Variants in GDF10 observed in about 807,000 individuals in gnomAD.
GDF10 encodes the protein growth differentiation factor 10.
In GDF10, 23 loss-of-function variants were observed where a neutral mutation model predicts 32.1. That is an observed-to-expected ratio of 0.72 (90% CI 0.52 to 1.02). The LOEUF (loss-of-function observed/expected upper bound fraction) is 1.02. GDF10 is among the 50% of genes least tolerant of loss of function. The probability of loss-of-function intolerance (pLI) is 0.00; values close to 1 mark genes in which losing one functional copy is unlikely to be tolerated. For missense variants in GDF10, 764 were observed against 673.9 expected (o/e 1.13, Z -1.48); for synonymous variants, 328 against 303.1 (o/e 1.08, Z -0.85).
rs1364345556 is a variant in GDF10, at chr10:47,310,322, C to G, written c.846C>G (p.Asn282Lys). Reference sequence around the variant, plus strand: ...CCGAGCCCCGCGCAGCCCCCAACAACTCAGCGGACCCCCGCGTGCGCCGAG... The same window carrying G: ...CCGAGCCCCGCGCAGCCCCCAACAAGTCAGCGGACCCCCGCGTGCGCCGAG... Reference protein sequence around the residue: ...GDPEPRAAPNNSADPRVRRAA... With the variant: ...GDPEPRAAPNKSADPRVRRAA... The change falls in exon 2 of 3, where the codon AAC becomes AAG. Residue 282 changes from asparagine to lysine, a missense_variant. Physicochemically the swap from Asn to Lys is moderately conservative, Grantham distance 94. Coordinates refer to ENST00000580279, the MANE Select transcript of GDF10 (RefSeq NM_004962.5). 2 of 1,607,226 alleles carry G rather than the reference C, an allele frequency of 1.2e-6. No homozygotes were observed. Among genetic ancestry groups the G allele is most frequent in the Non-Finnish European group, 1.7e-6 (2 of 1,177,404 alleles).
In GDF10 at chr10:47,300,579, T is replaced by C. The variant is rs1443920157; in HGVS notation, c.-73T>C. The C allele has an allele frequency of 1.5e-5, 21 of 1,418,268 alleles. No homozygotes were observed. The highest frequency in any genetic ancestry group is 1.6e-5 in the Non-Finnish European group (17 of 1,055,306). The allele number at this position is 1,418,268 out of a possible 1,614,324, so 87.9% of individuals were successfully genotyped here. ...GCGCGCCCTACTGCCGCGAGGTCAG[T>C]CCGCAGCCTCCGGTGCGCCAGCGCT... On this transcript the variant is annotated 5_prime_UTR_variant, in exon 1 of 3. Transcript: ENST00000580279.
In GDF10 at chr10:47,300,912, C is replaced by G. The variant is rs1393290107; in HGVS notation, c.261C>G (p.Ser87Arg). 1.3e-6 allele frequency: 2 copies of G among 1,559,390 alleles called. No individual in the cohort carries two copies. Among genetic ancestry groups the G allele is most frequent in the African/African-American group, 2.8e-5 (2 of 71,644 alleles). Reference sequence around the variant, plus strand: ...TGCACAGGCTCTATGAGAAGTACAGCCGGCAGGGCGCGCGGCCGGGAGGGG... The same window carrying G: ...TGCACAGGCTCTATGAGAAGTACAGGCGGCAGGGCGCGCGGCCGGGAGGGG... The part of the protein sequence containing the change: ...VHMHRLYEKY[S>R]RQGARPGGGN... The change falls in exon 1 of 3, where the codon AGC (serine) becomes AGG (arginine). Residue 87 changes from serine to arginine, a missense_variant. Transcript: ENST00000580279.
At chr10:47,302,793 A>G (rs1002046582) in intron 1 of GDF10, among the ~76,000 whole-genome samples, 3 of 152,104 alleles carry the variant, frequency 2.0e-5, no homozygotes, top group Non-Finnish European at 2.9e-5. Flanking sequence ...AGGGTCTGGG[A>G]GGGGTAGGGT....
In GDF10 at chr10:47,310,574, G is replaced by C. The variant is rs1555207667; in HGVS notation, c.1098G>C (p.Arg366=). 1 of 1,614,248 alleles carries C rather than the reference G, an allele frequency of 6.2e-7. No homozygotes were observed. The highest frequency in any genetic ancestry group is 8.5e-7 in the Non-Finnish European group (1 of 1,180,044). The change falls in exon 2 of 3, where the codon CGG becomes CGC. Residue 366 remains arginine, a synonymous_variant. Coordinates refer to ENST00000580279, the MANE Select transcript of GDF10 (RefSeq NM_004962.5). The part of the protein sequence containing the change: ...DFDEKTMQKA[R]RKQWDEPRVC... The stretch of plus-strand genomic sequence containing the variant: ...ACGAGAAGACGATGCAGAAAGCCCG[G>C]AGGAAGCAGTGGGATGAGCCGAGGG...
intron 1 of GDF10, among the ~76,000 whole-genome samples, chr10:47,309,264 C>G (rs2061034000): frequency 6.6e-6 from 1 of 152,206 alleles, no homozygotes; most frequent in Non-Finnish European, 1.5e-5. Context: ...TTTATTTCGT[C>G]TCTTTTGGAA....
intron 1 of GDF10, among the ~76,000 whole-genome samples, chr10:47,302,792 G>A (rs1234904637): frequency 6.6e-6 from 1 of 152,230 alleles, no homozygotes; most frequent in Non-Finnish European, 1.5e-5. Context: ...CAGGGTCTGG[G>A]AGGGGTAGGG....
At chr10:47,312,496 G>T in intron 2 of GDF10, 105 bp from the exon 3 acceptor site, 1 of 581,804 alleles carries the variant, frequency 1.7e-6, no homozygotes, top group East Asian at 3.3e-5. Flanking sequence ...GCCTCAGCCG[G>T]GGAACAACAG....
chr10:47,304,552 C>A (rs1025242746), intron 1 of GDF10, among the ~76,000 whole-genome samples: 5 of 152,138 alleles, frequency 3.3e-5, no homozygotes, highest in Admixed American at 6.5e-5. Flanking sequence ...CCAGATATAA[C>A]CGGAATTGTT....
rs2061001941 is a variant in GDF10, at chr10:47,300,835, G to A, written c.184G>A (p.Asp62Asn). 6.3e-7 allele frequency: 1 copy of A among 1,575,164 alleles called. No individual in the cohort carries two copies. The highest frequency in any genetic ancestry group is 8.6e-7 in the Non-Finnish European group (1 of 1,168,008). Residue 62 changes from aspartate to asparagine, a missense_variant, in exon 1 of 3, where the codon GAC becomes AAC. Physicochemically the swap from Asp to Asn is conservative, Grantham distance 23. Transcript: ENST00000580279. ...GDRDLQRHPG[D>N]AAATLGPSAQ... ...CAGGGATCTCCAGCGGCACCCTGGG[G>A]ACGCGGCCGCCACGTTGGGCCCCAG...
intron 1 of GDF10, among the ~76,000 whole-genome samples, chr10:47,304,594 ATATC>A (rs548068698): frequency 6.6e-6 from 1 of 152,072 alleles, no homozygotes; most frequent in Non-Finnish European, 1.5e-5. Flanking sequence ...CATTCCAGCC[ATATC>A]TATCTATCTA....
chr10:47,310,459 TC>T lies in GDF10; in HGVS notation c.985del (p.Arg329GlyfsTer3). ...FHKHQLWPSP[F>X]RALKPRPGRK... ...AAGCACCAGCTGTGGCCCAGCCCCT[TC>T]CGGGCGCTGAAACCCCGGCCAGGGC... On this transcript the variant is annotated frameshift_variant, in exon 2 of 3. Coordinates refer to ENST00000580279, the MANE Select transcript of GDF10 (RefSeq NM_004962.5). LOFTEE classifies it high-confidence loss of function. 6 of 1,613,566 alleles carry T rather than the reference TC, an allele frequency of 3.7e-6. No individual in the cohort carries two copies. The South Asian group carries it at 5.5e-5, about 15-fold the overall frequency.
intron 1 of GDF10, among the ~76,000 whole-genome samples, chr10:47,306,027 G>C (rs1472276364): frequency 6.6e-6 from 1 of 152,102 alleles, no homozygotes; most frequent in African/African-American, 2.4e-5. Flanking sequence ...GACAGAGCTG[G>C]GTACAAGCCC....
At position 47,312,928 on chromosome 10, in the gene GDF10, T is replaced by C. The variant is rs574996543; in HGVS notation, c.*136T>C. On this transcript the variant is annotated 3_prime_UTR_variant, in exon 3 of 3. Transcript: ENST00000580279. ...CATCACTGGGGCCCAGAGAGAGCTG[T>C]CCGCCAGTGCATCATTAGGGGGTCT... 1 of 527,084 alleles carries C rather than the reference T, an allele frequency of 1.9e-6. No individual in the cohort carries two copies. The highest frequency in any genetic ancestry group is 3.9e-5 in the South Asian group (1 of 25,770). The allele number at this position is 527,084 out of a possible 1,614,324, so 32.7% of individuals were successfully genotyped here. A position where few individuals can be genotyped will look rare whatever the true frequency, so the allele number is the denominator to read the frequency against.
In GDF10 at chr10:47,300,677, G is replaced by GCCCGGGA; in HGVS notation, c.33_39dup (p.Pro14ThrfsTer73). On this transcript the variant is annotated frameshift_variant, in exon 1 of 3. Transcript: ENST00000580279. LOFTEE classifies it high-confidence loss of function. ...ATGGCTCATGTCCCCGCTCGGACCAGCCCGGGACCCGGGCCCCAGCTGCTG... is the reference window on the plus strand; with the variant it reads ...ATGGCTCATGTCCCCGCTCGGACCAGCCCGGGACCCGGGACCCGGGCCCCAGCTGCTG... 6.2e-7 allele frequency: 1 copy of GCCCGGGA among 1,603,910 alleles called. No individual in the cohort carries two copies. The highest frequency in any genetic ancestry group is 1.4e-5 in the African/African-American group (1 of 73,960).
chr10:47,312,454 G>A (rs557072665), intron 2 of GDF10, 147 bp from the exon 3 acceptor site: 2 of 436,604 alleles, frequency 4.6e-6, no homozygotes, highest in Admixed American at 4.3e-5. Flanking sequence ...TTGGGATCTC[G>A]TCCATTCCTC....
chr10:47,312,058 T>C (rs1343962433), intron 2 of GDF10, among the ~76,000 whole-genome samples: 2 of 140,590 alleles, frequency 1.4e-5, no homozygotes, highest in Non-Finnish European at 3.1e-5. Context: ...CCCATAAAAT[T>C]GCTAAGCTGA....
chr10:47,303,345 C>T (rs1043443188), intron 1 of GDF10, among the ~76,000 whole-genome samples: 1 of 152,326 alleles, frequency 6.6e-6, no homozygotes, highest in Non-Finnish European at 1.5e-5. Flanking sequence ...ATACCTCCCC[C>T]GCCACCGGGC....
At chr10:47,304,547 T>C (rs772542483) in intron 1 of GDF10, among the ~76,000 whole-genome samples, 6 of 152,198 alleles carry the variant, frequency 3.9e-5, no homozygotes, top group Non-Finnish European at 8.8e-5. Flanking sequence ...CATAGCCAGA[T>C]ATAACCGGAA....
At chr10:47,308,414 G>T in intron 1 of GDF10, among the ~76,000 whole-genome samples, 2 of 152,278 alleles carry the variant, frequency 1.3e-5, no homozygotes, top group South Asian at 4.2e-4. Context: ...GCCTTTACTG[G>T]CATTTATTTA....
Sources: gnomAD v4.1 joint callset for allele counts (sites outside exome capture counted in the v4.1 genomes callset) on GRCh38, gnomAD v4.1.1 for gene constraint, MANE v1.5 for transcripts, NCBI Gene and HGNC (gene_info 2026-07-23, HGNC 2026-07-21) for gene names.